The following NPAS3 variants were observed in gnomAD, a reference collection of about 807,000 sequenced individuals.
The protein encoded by NPAS3 is neuronal PAS domain-containing protein 3.
Under a neutral mutation model 73.1 loss-of-function variants are expected in NPAS3, and 14 were observed. That is an observed-to-expected ratio of 0.19 (90% CI 0.13 to 0.30). The LOEUF (loss-of-function observed/expected upper bound fraction) is 0.30. NPAS3 is among the 10% of genes least tolerant of loss of function. The pLI is 1.00. For synonymous variants in NPAS3, 620 were observed against 541.5 expected (o/e 1.14, Z -2.01); for missense variants, 1,096 against 1,250.0 (o/e 0.88, Z 1.86).
At chr14:33,526,348 T>G (rs1489910512) in intron 4 of NPAS3, among the ~76,000 whole-genome samples, 1 of 152,140 alleles carries the variant, frequency 6.6e-6, no homozygotes, top group Non-Finnish European at 1.5e-5. Context: ...AAATCCCCTT[T>G]ACCTTTTATA....
At chr14:32,995,305 G>T (rs1352111532) in intron 1 of NPAS3, among the ~76,000 whole-genome samples, 1 of 152,168 alleles carries the variant, frequency 6.6e-6, no homozygotes, top group Admixed American at 6.5e-5. Context: ...CCAGAAGCCT[G>T]GGAATCGTGT....
chr14:33,028,322 T>A (rs2039875984), intron 1 of NPAS3, among the ~76,000 whole-genome samples: 1 of 152,242 alleles, frequency 6.6e-6, no homozygotes. Flanking sequence ...ATTTCTGTGT[T>A]GTGTTTTGTG....
At chr14:33,634,121 C>G (rs1353744647) in intron 5 of NPAS3, among the ~76,000 whole-genome samples, 1 of 152,202 alleles carries the variant, frequency 6.6e-6, no homozygotes, top group Non-Finnish European at 1.5e-5. Context: ...CTTATTTCTT[C>G]CCTGGAAACT....
chr14:33,047,962 A>G (rs549405029), intron 1 of NPAS3, among the ~76,000 whole-genome samples: 1 of 152,318 alleles, frequency 6.6e-6, no homozygotes, highest in African/African-American at 2.4e-5. Context: ...AATCTGAATA[A>G]TTTAGGGATA....
At chr14:33,382,069 G>A (rs1054282460) in intron 4 of NPAS3, among the ~76,000 whole-genome samples, 1 of 151,984 alleles carries the variant, frequency 6.6e-6, no homozygotes, top group African/African-American at 2.4e-5. Context: ...TTTGGGAGGG[G>A]GGCAGTTAGC....
chr14:33,192,901 C>T (rs1258993666), intron 2 of NPAS3, among the ~76,000 whole-genome samples: 1 of 152,154 alleles, frequency 6.6e-6, no homozygotes, highest in Non-Finnish European at 1.5e-5. Flanking sequence ...GTGGCACCTT[C>T]TGTGTTTTAC....
chr14:33,574,416 C>T (rs1395556966), intron 5 of NPAS3, among the ~76,000 whole-genome samples: 1 of 152,106 alleles, frequency 6.6e-6, no homozygotes, highest in Non-Finnish European at 1.5e-5. Flanking sequence ...GATAAAAAGC[C>T]ATCAGACCCA....
intron 7 of NPAS3, 45 bp from the exon 8 acceptor site, chr14:33,774,292 G>A: frequency 6.8e-7 from 1 of 1,470,298 alleles, no homozygotes. Flanking sequence ...GTTATATCTG[G>A]GATGTAAATT....
intron 5 of NPAS3, among the ~76,000 whole-genome samples, chr14:33,610,114 C>A (rs2057704049): frequency 6.6e-6 from 1 of 151,950 alleles, no homozygotes; most frequent in Non-Finnish European, 1.5e-5. Context: ...TAGTTCCTCC[C>A]AAACCAGTGT....
At chr14:33,585,204 G>T (rs2056819924) in intron 5 of NPAS3, among the ~76,000 whole-genome samples, 1 of 152,138 alleles carries the variant, frequency 6.6e-6, no homozygotes, top group African/African-American at 2.4e-5. Context: ...GAAGTGGTGA[G>T]AGTCCATGTT....
At chr14:33,263,921 G>A (rs2049070403) in intron 3 of NPAS3, among the ~76,000 whole-genome samples, 1 of 151,978 alleles carries the variant, frequency 6.6e-6, no homozygotes, top group Non-Finnish European at 1.5e-5. Flanking sequence ...CCCATTACTG[G>A]GTATATACCC....
chr14:33,277,234 G>A (rs1343108476), intron 3 of NPAS3, among the ~76,000 whole-genome samples: 3 of 152,198 alleles, frequency 2.0e-5, no homozygotes, highest in African/African-American at 7.2e-5. Flanking sequence ...ATGCTCAAGT[G>A]TGGAGGCAGT....
intron 4 of NPAS3, among the ~76,000 whole-genome samples, chr14:33,416,538 T>A (rs767475733): frequency 1.4e-4 from 22 of 151,990 alleles, no homozygotes; most frequent in Non-Finnish European, 2.8e-4. Context: ...AACATAGACA[T>A]TAAAACATAG....
chr14:33,374,260 A>G (rs1950098101), intron 4 of NPAS3, among the ~76,000 whole-genome samples: 1 of 152,154 alleles, frequency 6.6e-6, no homozygotes. Context: ...TATGCCTCAA[A>G]TAAAAGAAGA....
At chr14:33,016,251 C>A (rs1429759594) in intron 1 of NPAS3, among the ~76,000 whole-genome samples, 3 of 152,028 alleles carry the variant, frequency 2.0e-5, no homozygotes, top group South Asian at 4.1e-4. Flanking sequence ...TTTAAACAAT[C>A]CAAATAAAAA....
chr14:33,098,193 C>G (rs1244138004), intron 2 of NPAS3, among the ~76,000 whole-genome samples: 1 of 152,132 alleles, frequency 6.6e-6, no homozygotes, highest in African/African-American at 2.4e-5. Flanking sequence ...TCTAAATAAT[C>G]CAGCTCCAGT....
At chr14:33,658,822 ATGCTCC>A (rs2059224519) in intron 5 of NPAS3, among the ~76,000 whole-genome samples, 1 of 152,078 alleles carries the variant, frequency 6.6e-6, no homozygotes, top group Non-Finnish European at 1.5e-5. Context: ...TGTATTAATA[ATGCTCC>A]TGAATCAAGT....
At chr14:33,523,859 G>T (rs535496276) in intron 4 of NPAS3, among the ~76,000 whole-genome samples, 1 of 152,234 alleles carries the variant, frequency 6.6e-6, no homozygotes, top group East Asian at 1.9e-4. Flanking sequence ...GCCTGCCATC[G>T]ATCCATGATG....
chr14:33,335,364 T>A (rs555771076), intron 3 of NPAS3, among the ~76,000 whole-genome samples: 1 of 152,222 alleles, frequency 6.6e-6, no homozygotes, highest in African/African-American at 2.4e-5. Context: ...ACTGAGAGTG[T>A]CTCTTGGTAG....
Sources: gnomAD v4.1 joint callset for allele counts (sites outside exome capture counted in the v4.1 genomes callset) on GRCh38, gnomAD v4.1.1 for gene constraint, MANE v1.5 for transcripts, NCBI Gene and HGNC (gene_info 2026-07-23, HGNC 2026-07-21) for gene names.